Variants in TNFSF4 observed in about 807,000 individuals in gnomAD.
TNFSF4 encodes TNF superfamily member 4, also known as tumor necrosis factor ligand superfamily member 4.
A neutral mutation model predicts 7.3 loss-of-function variants in TNFSF4; 4 were observed. That is an observed-to-expected ratio of 0.55 (90% confidence interval 0.27 to 1.25). TNFSF4 has a LOEUF of 1.25. TNFSF4 is among the 50% of genes most tolerant of loss of function. The pLI is 0.12. For missense variants in TNFSF4, 181 were observed against 208.8 expected (o/e 0.87, Z 0.82); for synonymous variants, 76 against 83.7 (o/e 0.91, Z 0.50).
At chr1:173,204,785 G>T (rs1650103932) in intron 1 of TNFSF4, among the ~76,000 whole-genome samples, 1 of 151,942 alleles carries the variant, frequency 6.6e-6, no homozygotes, top group African/African-American at 2.4e-5. Context: ...CTTCCAAACA[G>T]TATTGTAGAT....
At chr1:173,427,145 A>G in the TNFSF4 span, among the ~76,000 whole-genome samples, 1 of 152,240 alleles carries the variant, frequency 6.6e-6, no homozygotes, top group Non-Finnish European at 1.5e-5. Flanking sequence ...AATCAATACA[A>G]TAATCATAGT....
chr1:173,248,436 AG>A, the TNFSF4 span, among the ~76,000 whole-genome samples: 2 of 150,908 alleles, frequency 1.3e-5, no homozygotes, highest in African/African-American at 4.9e-5. Context: ...GGAGAAAGAA[AG>A]AGAGGAGAAA....
the TNFSF4 span, among the ~76,000 whole-genome samples, chr1:173,426,171 C>T: frequency 6.6e-6 from 1 of 152,136 alleles, no homozygotes; most frequent in African/African-American, 2.4e-5. Context: ...AGTCAGTCTT[C>T]CCTGTTTGAT....
the TNFSF4 span, among the ~76,000 whole-genome samples, chr1:173,217,657 C>T: frequency 6.6e-6 from 1 of 152,102 alleles, no homozygotes; most frequent in Admixed American, 6.5e-5. Flanking sequence ...AGGCTAGTGC[C>T]ACATATCTAA....
chr1:173,205,365 C>T, intron 1 of TNFSF4: 1 of 1,611,686 alleles, frequency 6.2e-7, no homozygotes, highest in South Asian at 1.1e-5. Flanking sequence ...CACAGCTTTC[C>T]TTCTGTCCCA....
At chr1:173,376,669 C>G in the TNFSF4 span, among the ~76,000 whole-genome samples, 1 of 152,192 alleles carries the variant, frequency 6.6e-6, no homozygotes, top group Non-Finnish European at 1.5e-5. Flanking sequence ...CCAATCAGCA[C>G]TCTGTAAAAT....
the TNFSF4 span, among the ~76,000 whole-genome samples, chr1:173,339,848 GA>G: frequency 1.4e-4 from 22 of 152,128 alleles, no homozygotes; most frequent in Admixed American, 1.3e-3. Context: ...AGGAGATGTA[GA>G]TAGATGCCAA....
At chr1:173,395,668 A>C in the TNFSF4 span, among the ~76,000 whole-genome samples, 4 of 152,096 alleles carry the variant, frequency 2.6e-5, no homozygotes, top group East Asian at 5.8e-4. Context: ...AACTGGCTGA[A>C]ATACAACACA....
the TNFSF4 span, chr1:173,418,508 C>T: frequency 6.6e-6 from 1 of 152,064 alleles, no homozygotes; most frequent in Non-Finnish European, 1.5e-5. Flanking sequence ...CCACCAGCAG[C>T]AGAGGGCTCT....
chr1:173,403,853 G>C, the TNFSF4 span, among the ~76,000 whole-genome samples: 5 of 150,590 alleles, frequency 3.3e-5, no homozygotes, highest in Non-Finnish European at 5.9e-5. Context: ...AATGAGCTGA[G>C]ATCACACCAC....
At chr1:173,296,678 C>T in the TNFSF4 span, among the ~76,000 whole-genome samples, 1 of 151,944 alleles carries the variant, frequency 6.6e-6, no homozygotes, top group Non-Finnish European at 1.5e-5. Context: ...CTGCCAAGCA[C>T]AGACTTCCTA....
chr1:173,280,493 A>G, the TNFSF4 span, among the ~76,000 whole-genome samples: 2 of 152,142 alleles, frequency 1.3e-5, no homozygotes, highest in Non-Finnish European at 2.9e-5. Flanking sequence ...ACATGAAGAC[A>G]AAACACAATA....
chr1:173,174,618 G>T, the TNFSF4 span: 1 of 152,208 alleles, frequency 6.6e-6, no homozygotes, highest in Non-Finnish European at 1.5e-5. Flanking sequence ...AGGGGGAAAA[G>T]TTCTTTATGA....
the TNFSF4 span, among the ~76,000 whole-genome samples, chr1:173,366,795 A>AATAT: frequency 0.69 from 104,787 of 151,084 alleles, 36,531 homozygotes; most frequent in African/African-American, 0.77. Flanking sequence ...TAAAAATTAA[A>AATAT]ATATATATAT....
chr1:173,251,202 T>C, the TNFSF4 span, among the ~76,000 whole-genome samples: 1 of 152,336 alleles, frequency 6.6e-6, no homozygotes, highest in East Asian at 1.9e-4. Flanking sequence ...GGCAGATGTG[T>C]GCATTTGGTC....
chr1:173,397,095 T>C, the TNFSF4 span, among the ~76,000 whole-genome samples: 1 of 152,174 alleles, frequency 6.6e-6, no homozygotes, highest in African/African-American at 2.4e-5. Context: ...ATAAAACCTA[T>C]GGCATTGGCT....
chr1:173,352,799 A>G, the TNFSF4 span, among the ~76,000 whole-genome samples: 1 of 152,122 alleles, frequency 6.6e-6, no homozygotes, highest in Admixed American at 6.5e-5. Context: ...GGGGTGCTGC[A>G]GGAGGCCAGG....
the TNFSF4 span, among the ~76,000 whole-genome samples, chr1:173,436,766 G>A: frequency 6.6e-6 from 1 of 152,194 alleles, no homozygotes; most frequent in Non-Finnish European, 1.5e-5. Context: ...CCTCAGGCAT[G>A]GAGTTGCAAA....
At chr1:173,372,704 CA>C in the TNFSF4 span, among the ~76,000 whole-genome samples, 2 of 152,156 alleles carry the variant, frequency 1.3e-5, no homozygotes, top group Non-Finnish European at 2.9e-5. Context: ...GGCTATCATA[CA>C]ACAAACTGCT....
Sources: gnomAD v4.1 joint callset for allele counts (sites outside exome capture counted in the v4.1 genomes callset) on GRCh38, gnomAD v4.1.1 for gene constraint, MANE v1.5 for transcripts, NCBI Gene and HGNC (gene_info 2026-07-23, HGNC 2026-07-21) for gene names.